TMEM9: variants seen among roughly 807,000 people sequenced by gnomAD.
The protein encoded by TMEM9 is transmembrane protein 9.
Under a neutral mutation model 22.8 loss-of-function variants are expected in TMEM9, and 13 were observed. That is an observed-to-expected ratio of 0.57 (90% CI 0.37 to 0.91). The LOEUF is 0.91. Ranked by LOEUF, TMEM9 falls within the 40% of genes least tolerant of loss-of-function variation. The pLI, the probability that TMEM9 is intolerant of heterozygous loss-of-function variation, is 0.01. For synonymous variants in TMEM9, 88 were observed against 93.0 expected, an observed-to-expected ratio of 0.95 and a Z score of 0.31; for missense variants, 182 against 238.1, an observed-to-expected ratio of 0.76 and a Z score of 1.55.
In TMEM9 at chr1:201,144,166, G is replaced by A. The variant is rs576552744; in HGVS notation, c.268-215C>T. On this transcript the variant is annotated intron_variant, in intron 3 of 4. Coordinates refer to ENST00000367330, the MANE Select transcript of TMEM9 (RefSeq NM_001288565.2). The stretch of plus-strand genomic sequence containing the variant: ...GAGGAAGCACTCTGTCCTAACTTGA[G>A]GGAGTCTGCACAGCAGGCATCACGA... 34 of 526,774 alleles carry A rather than the reference G, an allele frequency of 6.5e-5. 1 individual carries two copies. The highest frequency in any genetic ancestry group is 5.6e-4 in the South Asian group (26 of 46,720). The allele number at this position is 526,774 out of a possible 1,614,324, so 32.6% of individuals were successfully genotyped here.
intron 4 of TMEM9, among the ~76,000 whole-genome samples, chr1:201,143,575 C>T (rs924166936): frequency 6.6e-6 from 1 of 152,232 alleles, no homozygotes; most frequent in African/African-American, 2.4e-5. Context: ...AAGCACAGTA[C>T]AGCAGGATGA....
At chr1:201,139,950 G>T (rs541626718) in intron 4 of TMEM9, among the ~76,000 whole-genome samples, 87 of 152,318 alleles carry the variant, frequency 5.7e-4, no homozygotes, top group African/African-American at 2.0e-3. Flanking sequence ...CTGTTGAACC[G>T]CACATCTTTC....
At chr1:201,171,558 T>A (rs2102300662) in exon 1 of TMEM9, 1 of 152,342 alleles carries the variant, frequency 6.6e-6, no homozygotes, top group South Asian at 2.1e-4. Flanking sequence ...GGGTGCATTG[T>A]GGGACAGAGC....
rs960534591 is a variant in TMEM9 at position 201,151,954 on chromosome 1, G to C, written c.67-102C>G. ...CAACTTTCTGTTCCCCATCCTGTTA[G>C]GTGAACCATATCTATGCTCTTGAGC... On this transcript the variant is annotated intron_variant, in intron 1 of 4. Coordinates refer to ENST00000367330, the MANE Select transcript of TMEM9 (RefSeq NM_001288565.2). The C allele has an allele frequency of 1.9e-5, 16 of 847,010 alleles. No individual in the cohort carries two copies. In the Admixed American group the frequency reaches 2.3e-4, roughly 12 times the overall value. The allele number at this position is 847,010 out of a possible 1,614,324, so 52.5% of individuals were successfully genotyped here.
intron 1 of TMEM9, among the ~76,000 whole-genome samples, chr1:201,166,366 CT>C (rs10712932): frequency 0.88 from 125,042 of 141,902 alleles, 54,973 homozygotes; most frequent in Admixed American, 0.9. Flanking sequence ...GACTATGATT[CT>C]TTTTTTTTTT....
intron 1 of TMEM9, among the ~76,000 whole-genome samples, chr1:201,171,250 G>A (rs1444967141): frequency 6.6e-6 from 1 of 152,134 alleles, no homozygotes; most frequent in Non-Finnish European, 1.5e-5. Flanking sequence ...GCCCCCTGCC[G>A]GACGGCGGGC....
intron 1 of TMEM9, among the ~76,000 whole-genome samples, chr1:201,170,731 G>C (rs1666189784): frequency 1.3e-5 from 2 of 152,170 alleles, no homozygotes; most frequent in Non-Finnish European, 2.9e-5. Context: ...TATTGCATCA[G>C]GGTTGAACAG....
intron 1 of TMEM9, among the ~76,000 whole-genome samples, chr1:201,167,469 TG>T (rs1440287472): frequency 6.6e-6 from 1 of 152,136 alleles, no homozygotes; most frequent in Non-Finnish European, 1.5e-5. Context: ...GTGTTAGACA[TG>T]GAAAAAACCT....
At chr1:201,164,898 C>T (rs780108417) in intron 1 of TMEM9, among the ~76,000 whole-genome samples, 33 of 151,858 alleles carry the variant, frequency 2.2e-4, no homozygotes, top group Non-Finnish European at 3.8e-4. Flanking sequence ...ACAAGTTGAT[C>T]CATTAACCGA....
upstream of TMEM9, among the ~76,000 whole-genome samples, chr1:201,159,255 A>T (rs1471308865): frequency 6.6e-6 from 1 of 152,236 alleles, no homozygotes; most frequent in Admixed American, 6.5e-5. Context: ...CTAGCCACAG[A>T]TGGCAGGTCA....
chr1:201,138,957 G>A (rs932178066), intron 4 of TMEM9, among the ~76,000 whole-genome samples: 2 of 152,214 alleles, frequency 1.3e-5, no homozygotes, highest in Non-Finnish European at 2.9e-5. Flanking sequence ...CCCACAGCTA[G>A]AGCAAGAACA....
In TMEM9 at chr1:201,151,217, C is replaced by T. The variant is rs572116365; in HGVS notation, c.158+544G>A. ...ACAATGTGCTAAAACTTCCCTTCAC[C>T]GCACTAGTCTCCTTTCTCTGAATGA... On this transcript the variant is annotated intron_variant, in intron 2 of 4. Transcript: ENST00000367330. Among the ~76,000 whole-genome samples the T allele has an allele frequency of 3.2e-4, 48 of 152,310 alleles. 2 individuals carry two copies. Among genetic ancestry groups the T allele is most frequent in the East Asian group, 7.7e-4 (4 of 5,188 alleles).
chr1:201,166,358 C>G (rs995316096), intron 1 of TMEM9, among the ~76,000 whole-genome samples: 5 of 97,884 alleles, frequency 5.1e-5, no homozygotes, highest in African/African-American at 2.1e-4. Flanking sequence ...AAAAAAAAGA[C>G]TATGATTCTT....
At chr1:201,148,628 A>G (rs1341926425) in intron 2 of TMEM9, among the ~76,000 whole-genome samples, 1 of 152,200 alleles carries the variant, frequency 6.6e-6, no homozygotes, top group Admixed American at 6.5e-5. Context: ...AGTCAAGCAT[A>G]GCTCCCTTCT....
intron 1 of TMEM9, among the ~76,000 whole-genome samples, chr1:201,152,216 T>C (rs1458955643): frequency 1.3e-5 from 2 of 152,100 alleles, no homozygotes; most frequent in African/African-American, 4.8e-5. Context: ...CACTTGTGTG[T>C]GCACCTCTGT....
At chr1:201,144,546 G>A (rs1664804389) in intron 3 of TMEM9, 1 of 152,684 alleles carries the variant, frequency 6.5e-6, no homozygotes, top group South Asian at 2.1e-4. Context: ...GGAGGGGAAA[G>A]CCAAGGGTAG....
At chr1:201,150,572 C>T (rs1407713977) in intron 2 of TMEM9, among the ~76,000 whole-genome samples, 1 of 152,138 alleles carries the variant, frequency 6.6e-6, no homozygotes, top group African/African-American at 2.4e-5. Context: ...TAACAAGCAG[C>T]TAAGCTAAAT....
chr1:201,151,966 C>T (rs774097512), intron 1 of TMEM9, 114 bp from the exon 2 acceptor site: 291 of 766,502 alleles, frequency 3.8e-4, no homozygotes, highest in Middle Eastern at 1.1e-3. Context: ...TGAACCATAT[C>T]TATGCTCTTG....
At chr1:201,135,836 GAGA>G (rs1035907953) in intron 4 of TMEM9, 21 bp from the exon 5 acceptor site, 1 of 1,574,684 alleles carries the variant, frequency 6.4e-7, no homozygotes, top group Non-Finnish European at 8.6e-7. Context: ...AAGAAAAAAA[GAGA>G]AGATCTGGCA....
Sources: allele counts gnomAD v4.1 joint callset (sites outside exome capture counted in the v4.1 genomes callset), GRCh38; gene constraint gnomAD v4.1.1; transcripts MANE v1.5; gene names NCBI Gene and HGNC (gene_info 2026-07-23, HGNC 2026-07-21).